Variants in RAD18 observed in about 807,000 individuals in gnomAD.
RAD18 encodes the protein RAD18 E3 ubiquitin protein ligase.
RAD18 carries 47 observed loss-of-function variants against 60.4 expected under a neutral mutation model. That is an observed-to-expected ratio of 0.78 (90% confidence interval 0.62 to 0.99). RAD18 has a LOEUF of 0.99. RAD18 is among the 50% of genes least tolerant of loss of function. The probability of loss-of-function intolerance (pLI) is 0.00; values close to 1 mark genes in which losing one functional copy is unlikely to be tolerated. For synonymous variants in RAD18, 225 were observed against 195.5 expected, an observed-to-expected ratio of 1.15 and a Z score of -1.26; for missense variants, 640 against 593.3, an observed-to-expected ratio of 1.08 and a Z score of -0.82.
chr3:8,887,376 A>G (rs1042713035), intron 12 of RAD18, among the ~76,000 whole-genome samples: 2 of 152,148 alleles, frequency 1.3e-5, no homozygotes. Context: ...ATTCACTGAG[A>G]AGAGGGGACA....
At chr3:8,915,913 G>GCACC (rs1940192688) in intron 7 of RAD18, among the ~76,000 whole-genome samples, 1 of 152,130 alleles carries the variant, frequency 6.6e-6, no homozygotes, top group African/African-American at 2.4e-5. Context: ...ACCTCAGTGG[G>GCACC]CACCCACAAG....
intron 7 of RAD18, among the ~76,000 whole-genome samples, chr3:8,933,261 G>C (rs1210481943): frequency 2.0e-5 from 3 of 151,992 alleles, no homozygotes; most frequent in Non-Finnish European, 2.9e-5. Context: ...GTCTAGAAAA[G>C]GTAAAATTAT....
chr3:8,955,801 G>A (rs187202224), intron 2 of RAD18, among the ~76,000 whole-genome samples: 3 of 152,270 alleles, frequency 2.0e-5, no homozygotes, highest in Non-Finnish European at 4.4e-5. Context: ...AAAGGCTTAC[G>A]AAGCCCCTAG....
At chr3:8,888,307 T>C (rs899961652) in intron 12 of RAD18, among the ~76,000 whole-genome samples, 10 of 152,178 alleles carry the variant, frequency 6.6e-5, no homozygotes, top group Admixed American at 4.6e-4. Flanking sequence ...GAATACAAAA[T>C]GTAGATAGAA....
chr3:8,962,781 CTGTT>C (rs1941111888), intron 1 of RAD18, among the ~76,000 whole-genome samples: 2 of 152,298 alleles, frequency 1.3e-5, no homozygotes, highest in Admixed American at 6.5e-5. Context: ...GTCCTGATCT[CTGTT>C]TAAGAGACAT....
chr3:8,943,388 A>G (rs1285778453), intron 4 of RAD18, among the ~76,000 whole-genome samples: 1 of 152,158 alleles, frequency 6.6e-6, no homozygotes, highest in Non-Finnish European at 1.5e-5. Context: ...AATAAAATCC[A>G]TAAAAAAGAA....
intron 7 of RAD18, among the ~76,000 whole-genome samples, chr3:8,915,407 C>CA (rs1940181696): frequency 6.6e-6 from 1 of 152,056 alleles, no homozygotes; most frequent in African/African-American, 2.4e-5. Context: ...GGATCATGAG[C>CA]ACTGGTTGAC....
intron 7 of RAD18, among the ~76,000 whole-genome samples, chr3:8,930,679 C>T (rs499147): frequency 0.68 from 103,726 of 151,788 alleles, 36,016 homozygotes; most frequent in Middle Eastern, 0.77. Flanking sequence ...TTCAACACGC[C>T]TTCATAATAA....
At chr3:8,956,261 A>T (rs1320976656) in intron 2 of RAD18, among the ~76,000 whole-genome samples, 1 of 152,226 alleles carries the variant, frequency 6.6e-6, no homozygotes. Flanking sequence ...GCTACTATTA[A>T]GTAAAATAAG....
chr3:8,902,869 C>CA (rs1559764302), intron 9 of RAD18, among the ~76,000 whole-genome samples: 1 of 151,364 alleles, frequency 6.6e-6, no homozygotes, highest in African/African-American at 2.4e-5. Context: ...ACTAAAAGTA[C>CA]AAAAAAATTA....
chr3:8,887,871 C>T (rs1362698853), intron 12 of RAD18, among the ~76,000 whole-genome samples: 1 of 152,142 alleles, frequency 6.6e-6, no homozygotes, highest in Non-Finnish European at 1.5e-5. Context: ...TTCTCAGAGA[C>T]AGCAACGGGC....
chr3:8,939,434 A>C, intron 6 of RAD18, 120 bp downstream of exon 6: 1 of 762,576 alleles, frequency 1.3e-6, no homozygotes, highest in Non-Finnish European at 2.1e-6. Context: ...AGTAAAGAAG[A>C]AAGCAAGTAA....
chr3:8,902,909 C>A (rs1489350721), intron 9 of RAD18, among the ~76,000 whole-genome samples: 1 of 151,844 alleles, frequency 6.6e-6, no homozygotes, highest in Non-Finnish European at 1.5e-5. Flanking sequence ...GCCTATAATC[C>A]CAGCTACTTA....
chr3:8,952,126 C>T (rs1940937045), intron 2 of RAD18, among the ~76,000 whole-genome samples: 1 of 152,200 alleles, frequency 6.6e-6, no homozygotes, highest in African/African-American at 2.4e-5. Context: ...TCCAGGCATT[C>T]CACCTTTAAC....
intron 12 of RAD18, among the ~76,000 whole-genome samples, chr3:8,888,297 G>C (rs923742080): frequency 6.6e-6 from 1 of 152,232 alleles, no homozygotes; most frequent in South Asian, 2.1e-4. Context: ...TCTCATAAAA[G>C]AATACAAAAT....
intron 7 of RAD18, among the ~76,000 whole-genome samples, chr3:8,930,342 G>C (rs1285054024): frequency 6.6e-6 from 1 of 152,158 alleles, no homozygotes; most frequent in Admixed American, 6.5e-5. Flanking sequence ...CACTTAAATG[G>C]AATATCCAGA....
At chr3:8,898,080 G>GA (rs535060646) in intron 11 of RAD18, among the ~76,000 whole-genome samples, 167 of 150,002 alleles carry the variant, frequency 1.1e-3, no homozygotes, top group South Asian at 6.6e-3. Flanking sequence ...TCAAAAAAAT[G>GA]AAAAAAAAAG....
intron 7 of RAD18, among the ~76,000 whole-genome samples, chr3:8,922,055 A>G (rs580697): frequency 0.69 from 104,537 of 152,058 alleles, 36,518 homozygotes; most frequent in Middle Eastern, 0.77. Flanking sequence ...CTGAGGTACC[A>G]GGTTCATCTC....
intron 12 of RAD18, among the ~76,000 whole-genome samples, chr3:8,882,124 G>A (rs938811964): frequency 1.6e-5 from 2 of 123,584 alleles, no homozygotes; most frequent in Admixed American, 8.3e-5. Context: ...CAGTGGCTAC[G>A]GGGGACAGGA....
Sources: gnomAD v4.1 joint callset for allele counts (sites outside exome capture counted in the v4.1 genomes callset) on GRCh38, gnomAD v4.1.1 for gene constraint, MANE v1.5 for transcripts, NCBI Gene and HGNC (gene_info 2026-07-23, HGNC 2026-07-21) for gene names.